IRAK3: variants seen among roughly 807,000 people sequenced by gnomAD.
IRAK3 encodes interleukin-1 receptor-associated kinase 3.
A neutral mutation model predicts 56.6 loss-of-function variants in IRAK3; 57 were observed. The observed-to-expected ratio is 1.01, with a 90% CI of 0.81 to 1.26. The LOEUF (loss-of-function observed/expected upper bound fraction) is 1.26. Ranked by LOEUF, IRAK3 falls within the 50% of genes most tolerant of loss-of-function variation. The pLI is 0.00. For synonymous variants in IRAK3, 258 were observed against 255.7 expected, an observed-to-expected ratio of 1.01 and a Z score of -0.09; for missense variants, 703 against 719.0, an observed-to-expected ratio of 0.98 and a Z score of 0.25.
intron 8 of IRAK3, among the ~76,000 whole-genome samples, chr12:66,241,542 A>T (rs2052969904): frequency 6.6e-6 from 1 of 152,248 alleles, no homozygotes; most frequent in African/African-American, 2.4e-5. Flanking sequence ...AAAAGAATTA[A>T]GGTAGAAATT....
intron 5 of IRAK3, among the ~76,000 whole-genome samples, chr12:66,215,790 A>AGGTGCGCGCGCGCGCGCGCGCGCG (rs2052668454): frequency 1.9e-5 from 2 of 103,090 alleles, no homozygotes; most frequent in African/African-American, 6.1e-5. Flanking sequence ...CAACATGCAC[A>AGGTGCGCGCGCGCGCGCGCGCGCG]CACACACACA....
intron 8 of IRAK3, among the ~76,000 whole-genome samples, chr12:66,236,801 T>G (rs997145450): frequency 1.3e-5 from 2 of 152,098 alleles, no homozygotes; most frequent in Non-Finnish European, 2.9e-5. Flanking sequence ...GACCCTGTAT[T>G]CTCTTAAATC....
At chr12:66,221,778 C>T (rs1165520886) in intron 6 of IRAK3, among the ~76,000 whole-genome samples, 1 of 152,098 alleles carries the variant, frequency 6.6e-6, no homozygotes, top group Non-Finnish European at 1.5e-5. Context: ...GCCTGTAATC[C>T]CAGCACTTTG....
chr12:66,192,268 A>G (rs2052406613), intron 1 of IRAK3, among the ~76,000 whole-genome samples: 1 of 152,172 alleles, frequency 6.6e-6, no homozygotes, highest in Admixed American at 6.5e-5. Context: ...TCTACATAGT[A>G]CTCTTCAAAT....
intron 1 of IRAK3, chr12:66,197,741 T>C: frequency 1.0e-6 from 1 of 985,438 alleles, no homozygotes; most frequent in Non-Finnish European, 1.2e-6. Flanking sequence ...CGGTCAATGT[T>C]AGAGACCCTA....
chr12:66,240,987 G>C (rs2052963555), intron 8 of IRAK3, among the ~76,000 whole-genome samples: 2 of 151,856 alleles, frequency 1.3e-5, no homozygotes, highest in South Asian at 4.2e-4. Flanking sequence ...TTATGTTTAA[G>C]GTCCAAGGGA....
rs2053082078 is a variant in IRAK3, at chr12:66,250,109, A to G, written c.*1938A>G. ...ACATAATCAATAATTCAGCTATAAT[A>G]AACATTGCCGAATAAATTAACAAAG... On this transcript the variant is annotated 3_prime_UTR_variant, in exon 12 of 12. Coordinates refer to ENST00000261233, the MANE Select transcript of IRAK3 (RefSeq NM_007199.3). The G allele has an allele frequency of 6.6e-6, 1 of 152,236 alleles. No homozygotes were observed. The highest frequency in any genetic ancestry group is 1.5e-5 in the Non-Finnish European group (1 of 68,040). 9.4% of individuals were successfully genotyped at this position (152,236 alleles called of 1,614,324 possible).
chr12:66,204,775 T>TGCGC (rs142792546), intron 2 of IRAK3, among the ~76,000 whole-genome samples: 3,154 of 87,824 alleles, frequency 0.036, 121 homozygotes, highest in African/African-American at 0.14. Flanking sequence ...CATGAGCCCT[T>TGCGC]GCGCACACAC....
rs768898014 is a variant in IRAK3 at position 66,247,860 on chromosome 12, G to A, written c.1480G>A (p.Glu494Lys). 9.3e-6 allele frequency: 15 copies of A among 1,614,206 alleles called. No homozygotes were observed. The highest frequency in any genetic ancestry group is 1.3e-5 in the Non-Finnish European group (15 of 1,180,034). Residue 494 changes from glutamate to lysine, a missense_variant, in exon 12 of 12, where the codon GAA becomes AAA. Coordinates refer to ENST00000261233, the MANE Select transcript of IRAK3 (RefSeq NM_007199.3). ...SQNNNLLPSD[E>K]GLRIDRMTQK... Reference sequence around the variant, plus strand: ...GAATAACAATTTACTACCTTCTGATGAAGGCCTGAGGATAGACAGAATGAC... The same window carrying A: ...GAATAACAATTTACTACCTTCTGATAAAGGCCTGAGGATAGACAGAATGAC...
chr12:66,235,432 G>A (rs917477681), intron 8 of IRAK3, among the ~76,000 whole-genome samples: 4 of 151,428 alleles, frequency 2.6e-5, no homozygotes, highest in African/African-American at 7.3e-5. Context: ...CGCGGCGGCG[G>A]CCGGCGGGGG....
chr12:66,211,338 C>T (rs527889042), intron 4 of IRAK3, 108 bp from the exon 5 acceptor site: 2 of 802,430 alleles, frequency 2.5e-6, no homozygotes, highest in African/African-American at 3.4e-5. Flanking sequence ...GGGCCTTTCT[C>T]TACTAACCTT....
intron 6 of IRAK3, among the ~76,000 whole-genome samples, chr12:66,219,167 G>A (rs1705559217): frequency 6.6e-6 from 1 of 152,080 alleles, no homozygotes; most frequent in Non-Finnish European, 1.5e-5. Flanking sequence ...ACATGAGAGT[G>A]CAGATATCTC....
intron 8 of IRAK3, among the ~76,000 whole-genome samples, chr12:66,239,299 CTTTT>C (rs10677185): frequency 1.4e-5 from 2 of 144,572 alleles, no homozygotes; most frequent in African/African-American, 5.1e-5. Context: ...TCAAAATGGA[CTTTT>C]TTTTTTTTTT....
intron 1 of IRAK3, among the ~76,000 whole-genome samples, chr12:66,203,221 T>C (rs2052526144): frequency 6.6e-6 from 1 of 152,178 alleles, no homozygotes; most frequent in African/African-American, 2.4e-5. Flanking sequence ...AATTTTATAG[T>C]AGAGAAGCTC....
At chr12:66,236,536 A>G (rs2052910143) in intron 8 of IRAK3, among the ~76,000 whole-genome samples, 1 of 151,770 alleles carries the variant, frequency 6.6e-6, no homozygotes, top group Admixed American at 6.6e-5. Flanking sequence ...TCACTGCACT[A>G]CAGTCTGGGC....
Position 66,253,503 on chromosome 12 carries a change from T to A in IRAK3, c.*5332T>A, listed in dbSNP as rs1441034452. The A allele has an allele frequency of 1.3e-5, 2 of 152,198 alleles. No homozygotes were observed. The highest frequency in any genetic ancestry group is 4.8e-5 in the African/African-American group (2 of 41,458). The allele number at this position is 152,198 out of a possible 1,614,324, so 9.4% of individuals were successfully genotyped here. The stretch of plus-strand genomic sequence containing the variant: ...TTGCAAGTATTTTCCTGGGAGACAT[T>A]TTTATTCAAAAGACCTGTATTGCCT... On this transcript the variant is annotated 3_prime_UTR_variant, in exon 12 of 12. Coordinates refer to ENST00000261233, the MANE Select transcript of IRAK3 (RefSeq NM_007199.3).
chr12:66,206,202 T>C (rs552663268), intron 2 of IRAK3, among the ~76,000 whole-genome samples: 6 of 152,344 alleles, frequency 3.9e-5, no homozygotes, highest in African/African-American at 1.4e-4. Context: ...CACATTTTTT[T>C]CTACACAAAT....
chr12:66,225,174 G>T (rs1005770741), intron 6 of IRAK3, among the ~76,000 whole-genome samples: 1 of 152,042 alleles, frequency 6.6e-6, no homozygotes, highest in Admixed American at 6.6e-5. Flanking sequence ...CCTTCCAAAA[G>T]ATTAGTCTCT....
chr12:66,234,952 T>G (rs1353570517), intron 8 of IRAK3: 1 of 1,614,044 alleles, frequency 6.2e-7, no homozygotes, highest in African/African-American at 1.3e-5. Context: ...TTTGAGCTGC[T>G]GCAGGGCTGT....
Sources: gnomAD v4.1 joint callset for allele counts (sites outside exome capture counted in the v4.1 genomes callset) on GRCh38, gnomAD v4.1.1 for gene constraint, MANE v1.5 for transcripts, NCBI Gene and HGNC (gene_info 2026-07-23, HGNC 2026-07-21) for gene names.